THNSL1: variants seen among roughly 807,000 people sequenced by gnomAD.
THNSL1 encodes threonine synthase like 1, also known as threonine synthase-like 1.
A neutral mutation model predicts 50.4 loss-of-function variants in THNSL1; 48 were observed. The observed-to-expected ratio is 0.95, with a 90% CI of 0.76 to 1.21. THNSL1 has a LOEUF of 1.21. Among genes scored for constraint, THNSL1 ranks in the 50% most tolerant of loss-of-function variants. THNSL1 has a pLI of 0.00. For synonymous variants in THNSL1, 309 were observed against 306.1 expected (o/e 1.01, Z -0.10); for missense variants, 896 against 871.7 (o/e 1.03, Z -0.35).
In THNSL1 at chr10:25,023,561, A is replaced by G. The variant is rs146228423; in HGVS notation, c.338A>G (p.Glu113Gly). 6.2e-7 allele frequency: 1 copy of G among 1,614,128 alleles called. No homozygotes were observed. ...GATGTTGGTAATGAGCAATTTTTAG[A>G]AGAGGAAGGAAAAGCTGTGTTAAAC... is the stretch of plus-strand genomic sequence containing the variant. Reference protein sequence around the residue: ...LQDVGNEQFLEEEGKAVLNFS... With the variant: ...LQDVGNEQFLGEEGKAVLNFS... The change falls in exon 3 of 3, where the codon GAA becomes GGA. Residue 113 changes from glutamate (E) to glycine (G), a missense_variant. Glu to Gly is a moderately conservative substitution (Grantham distance 98). Coordinates refer to ENST00000376356, the MANE Select transcript of THNSL1 (RefSeq NM_024838.5).
intron 2 of THNSL1, among the ~76,000 whole-genome samples, chr10:25,022,930 A>G (rs1213786919): frequency 6.6e-6 from 1 of 152,146 alleles, no homozygotes; most frequent in Non-Finnish European, 1.5e-5. Flanking sequence ...ATAGTTACAA[A>G]TTTTGTCAAA....
In THNSL1 at chr10:25,025,217, C is replaced by CTT; in HGVS notation, c.1994_1995insTT (p.Ala666Ter). On this transcript the variant is annotated frameshift_variant, in exon 3 of 3. Coordinates refer to ENST00000376356, the MANE Select transcript of THNSL1 (RefSeq NM_024838.5). LOFTEE classifies it high-confidence loss of function. Reference sequence around the variant, plus strand: ...ACTTGCCCTGTGATTATCTCATCTACAGCCCATTACTCAAAGTTTGCACCT... The same window carrying CTT: ...ACTTGCCCTGTGATTATCTCATCTACTTAGCCCATTACTCAAAGTTTGCACCT... 6.2e-7 allele frequency: 1 copy of CTT among 1,614,198 alleles called. No individual in the cohort carries two copies. The highest frequency in any genetic ancestry group is 8.5e-7 in the Non-Finnish European group (1 of 1,180,044).
the THNSL1 span, among the ~76,000 whole-genome samples, chr10:24,952,949 A>C: frequency 3.9e-3 from 596 of 151,986 alleles, 3 homozygotes; most frequent in South Asian, 7.7e-3. This position sits in a 1 kb window ranked among gnomAD's most constrained non-coding sequence, Gnocchi z 5.1. Context: ...CTGGAGCAGG[A>C]AGCCCGCGGC....
the THNSL1 span, among the ~76,000 whole-genome samples, chr10:25,004,731 G>T: frequency 6.6e-6 from 1 of 152,068 alleles, no homozygotes; most frequent in Non-Finnish European, 1.5e-5. Flanking sequence ...TCTGTTGATG[G>T]TTTCTTTTCC....
the THNSL1 span, among the ~76,000 whole-genome samples, chr10:24,955,991 G>T: frequency 1.3e-5 from 2 of 151,988 alleles, no homozygotes; most frequent in African/African-American, 4.8e-5. Flanking sequence ...GACGTAAGGT[G>T]ACCAATCAGG....
the THNSL1 span, chr10:24,984,865 T>G: frequency 3.1e-6 from 5 of 1,613,628 alleles, no homozygotes; most frequent in Non-Finnish European, 4.2e-6. Flanking sequence ...CGAGAGGGAC[T>G]GGAATTCTTT....
At position 25,025,489 on chromosome 10, in the gene THNSL1, A is replaced by G. The variant is rs776650623; in HGVS notation, c.*34A>G. On this transcript the variant is annotated 3_prime_UTR_variant, in exon 3 of 3. Transcript: ENST00000376356. Reference sequence around the variant, plus strand: ...AGAGTAAATTTTTTTTTCTAGCTATAAGCATGCAATAATAAATCTCAAACA... The same window carrying G: ...AGAGTAAATTTTTTTTTCTAGCTATGAGCATGCAATAATAAATCTCAAACA... 2 of 1,555,698 alleles carry G rather than the reference A, an allele frequency of 1.3e-6. No homozygotes were observed. Among genetic ancestry groups the G allele is most frequent in the Admixed American group, 4.0e-5 (2 of 49,776 alleles).
chr10:24,984,276 C>T, the THNSL1 span: 1 of 1,356,430 alleles, frequency 7.4e-7, no homozygotes. Context: ...AGCTCAGAAA[C>T]AATGTGTTGG....
At chr10:24,986,943 T>C in the THNSL1 span, among the ~76,000 whole-genome samples, 1 of 152,150 alleles carries the variant, frequency 6.6e-6, no homozygotes, top group African/African-American at 2.4e-5. Context: ...TTGGAAAAAA[T>C]TCAGACAGGG....
chr10:24,984,701 A>C, the THNSL1 span: 1 of 1,549,454 alleles, frequency 6.5e-7, no homozygotes. Context: ...TTTCCCCTAC[A>C]TTGAAATTGT....
chr10:24,976,477 TTC>T, the THNSL1 span, among the ~76,000 whole-genome samples: 1 of 152,100 alleles, frequency 6.6e-6, no homozygotes, highest in East Asian at 1.9e-4. Context: ...CTATAAAGCA[TTC>T]TTTTTTCTTT....
At chr10:25,011,253 G>C in the THNSL1 span, among the ~76,000 whole-genome samples, 1 of 152,166 alleles carries the variant, frequency 6.6e-6, no homozygotes, top group Admixed American at 6.5e-5. Context: ...CTTTTGAGAA[G>C]TGTCTGTTCA....
At chr10:24,981,548 A>G in the THNSL1 span, among the ~76,000 whole-genome samples, 1 of 152,160 alleles carries the variant, frequency 6.6e-6, no homozygotes, top group Non-Finnish European at 1.5e-5. Context: ...GGGAAATTCT[A>G]TTGATGGTAT....
the THNSL1 span, among the ~76,000 whole-genome samples, chr10:25,003,796 T>G: frequency 6.6e-6 from 1 of 152,184 alleles, no homozygotes; most frequent in Non-Finnish European, 1.5e-5. Flanking sequence ...TAGTACTCAT[T>G]ACTTGTTTTT....
At chr10:24,971,198 A>C in the THNSL1 span, among the ~76,000 whole-genome samples, 36 of 152,246 alleles carry the variant, frequency 2.4e-4, no homozygotes, top group African/African-American at 8.4e-4. Context: ...CCCTGGGCTC[A>C]AGCAATTCTC....
chr10:25,002,767 C>A, the THNSL1 span, among the ~76,000 whole-genome samples: 1,332 of 152,192 alleles, frequency 8.8e-3, 19 homozygotes, highest in African/African-American at 0.03. Context: ...CAATCCTGAA[C>A]TTAAAGGCTG....
At chr10:24,957,773 A>C in the THNSL1 span, among the ~76,000 whole-genome samples, 1 of 152,170 alleles carries the variant, frequency 6.6e-6, no homozygotes, top group African/African-American at 2.4e-5. Flanking sequence ...GAGCCACTGC[A>C]TCCGGCCTTG....
the THNSL1 span, among the ~76,000 whole-genome samples, chr10:25,010,032 G>A: frequency 2.0e-4 from 30 of 152,272 alleles, no homozygotes; most frequent in African/African-American, 7.0e-4. Context: ...ATGTGAAAGC[G>A]ACTTTGGAAC....
At chr10:24,978,635 T>C in the THNSL1 span, among the ~76,000 whole-genome samples, 2 of 152,178 alleles carry the variant, frequency 1.3e-5, no homozygotes, top group Non-Finnish European at 2.9e-5. Flanking sequence ...TTGAAAAGAT[T>C]GAAAAATTAG....
Sources: gnomAD v4.1 joint callset for allele counts (sites outside exome capture counted in the v4.1 genomes callset) on GRCh38, gnomAD v4.1.1 for gene constraint, Gnocchi (gnomAD v3.1) non-coding constraint, MANE v1.5 for transcripts, NCBI Gene and HGNC (gene_info 2026-07-23, HGNC 2026-07-21) for gene names.